The following ABHD3 variants were observed in gnomAD, a reference collection of about 807,000 sequenced individuals.
ABHD3 encodes abhydrolase domain containing 3, phospholipase, also known as phospholipase ABHD3.
In ABHD3, 46 loss-of-function variants were observed where a neutral mutation model predicts 48.8. The observed-to-expected ratio is 0.94, with a 90% CI of 0.74 to 1.20. The LOEUF is 1.20. Among genes scored for constraint, ABHD3 ranks in the 50% most tolerant of loss-of-function variants. The pLI is 0.00. For missense variants in ABHD3, 490 were observed against 497.8 expected, an observed-to-expected ratio of 0.98 and a Z score of 0.15; for synonymous variants, 192 against 183.7, an observed-to-expected ratio of 1.04 and a Z score of -0.36.
chr18:21,668,200 C>CAAAAAAAAAAAAAAAAAAAAA (rs747590942), intron 4 of ABHD3, among the ~76,000 whole-genome samples: 35 of 61,348 alleles, frequency 5.7e-4, no homozygotes, highest in African/African-American at 1.8e-3. Context: ...GAATCTATCT[C>CAAAAAAAAAAAAAAAAAAAAA]AAAAAAAAAA....
At chr18:21,655,844 C>A (rs896795789) in intron 8 of ABHD3, among the ~76,000 whole-genome samples, 1 of 145,404 alleles carries the variant, frequency 6.9e-6, no homozygotes, top group Non-Finnish European at 1.5e-5. Flanking sequence ...AACAAAAAAA[C>A]AAACAAAAAA....
chr18:21,651,740 G>GCTTA lies in ABHD3; in HGVS notation c.1077_1080dup (p.Gln361Ter). 1 of 1,574,462 alleles carries GCTTA rather than the reference G, an allele frequency of 6.4e-7. No individual in the cohort carries two copies. The highest frequency in any genetic ancestry group is 8.6e-7 in the Non-Finnish European group (1 of 1,158,698). On this transcript the variant is annotated stop_gained and frameshift_variant, in exon 9 of 9. Coordinates refer to ENST00000289119, the MANE Select transcript of ABHD3 (RefSeq NM_138340.5). LOFTEE classifies it high-confidence loss of function. ...AGGACCAAAGCAACATTAGGATTTT[G>GCTTA]CTTAGCAGTTTCTATTGGAATAGCT...
intron 1 of ABHD3, among the ~76,000 whole-genome samples, chr18:21,704,243 C>A (rs2040583921): frequency 6.6e-6 from 1 of 152,232 alleles, no homozygotes; most frequent in Non-Finnish European, 1.5e-5. Flanking sequence ...GCTTCGCGAT[C>A]GGTGACCGGG....
At chr18:21,653,637 T>C (rs933753181) in intron 8 of ABHD3, among the ~76,000 whole-genome samples, 3 of 151,582 alleles carry the variant, frequency 2.0e-5, no homozygotes, top group African/African-American at 4.8e-5. Context: ...TGGTAGCTCA[T>C]GCTTGTAATC....
intron 3 of ABHD3, among the ~76,000 whole-genome samples, chr18:21,699,919 G>C (rs141417355): frequency 1.6e-4 from 25 of 151,892 alleles, no homozygotes; most frequent in Non-Finnish European, 3.4e-4. Context: ...CTTGTGATCC[G>C]CATGCCTCAG....
chr18:21,672,111 A>C (rs1346472073), intron 4 of ABHD3, among the ~76,000 whole-genome samples: 2 of 152,214 alleles, frequency 1.3e-5, no homozygotes, highest in African/African-American at 2.4e-5. Flanking sequence ...GGGCTTCTTA[A>C]AAGCTGACAA....
intron 4 of ABHD3, among the ~76,000 whole-genome samples, chr18:21,678,969 T>C (rs1451476611): frequency 6.6e-6 from 1 of 152,238 alleles, no homozygotes; most frequent in Non-Finnish European, 1.5e-5. Flanking sequence ...GGAGCCATAG[T>C]AATCTCTATA....
intron 4 of ABHD3, among the ~76,000 whole-genome samples, chr18:21,669,366 CT>C (rs2039706923): frequency 6.6e-6 from 1 of 152,192 alleles, no homozygotes; most frequent in Admixed American, 6.5e-5. Context: ...GCTCTGCTAG[CT>C]TTCCATTTCC....
Position 21,704,620 on chromosome 18 carries a change from A to G in ABHD3, c.46T>C (p.Ser16Pro). The change falls in exon 1 of 9, where the codon TCC becomes CCC. Residue 16 changes from serine to proline, a missense_variant. By Grantham distance (74) the Ser-to-Pro change is moderately conservative (BLOSUM62 -1). Transcript: ENST00000289119. Reference protein sequence around the residue: ...MDLRMLSRELSLYLEHQVRVG... With the variant: ...MDLRMLSRELPLYLEHQVRVG... The stretch of plus-strand genomic sequence containing the variant: ...CGGACTTGGTGTTCCAGGTAGAGGG[A>G]GAGCTCCCGGGACAACATCCGCAGG... The G allele has an allele frequency of 6.4e-7, 1 of 1,551,548 alleles. No homozygotes were observed. The highest frequency in any genetic ancestry group is 1.2e-5 in the South Asian group (1 of 83,936).
chr18:21,703,174 A>G (rs1277698632), intron 2 of ABHD3, among the ~76,000 whole-genome samples: 4 of 151,610 alleles, frequency 2.6e-5, no homozygotes, highest in Admixed American at 6.6e-5. Context: ...TTTTACACCA[A>G]TAAATCGCCC....
chr18:21,703,548 T>C, intron 2 of ABHD3, 36 bp downstream of exon 2: 1 of 1,589,622 alleles, frequency 6.3e-7, no homozygotes, highest in Non-Finnish European at 8.6e-7. Context: ...CAACCTGTGA[T>C]TTTGCAGAAA....
intron 5 of ABHD3, among the ~76,000 whole-genome samples, chr18:21,660,179 C>T (rs1168316648): frequency 1.2e-4 from 17 of 141,852 alleles, no homozygotes; most frequent in Non-Finnish European, 2.0e-4. Flanking sequence ...GATGAGGTCT[C>T]ACTATGTTGC....
intron 3 of ABHD3, among the ~76,000 whole-genome samples, chr18:21,694,934 A>G (rs1459887646): frequency 6.6e-6 from 1 of 152,158 alleles, no homozygotes. Context: ...ACTCAGCGGC[A>G]CGAGCTGCTA....
chr18:21,660,814 T>C (rs1177234773), intron 5 of ABHD3, among the ~76,000 whole-genome samples: 1 of 152,072 alleles, frequency 6.6e-6, no homozygotes, highest in African/African-American at 2.4e-5. Context: ...TATAGGACAA[T>C]GCTTACTCTT....
chr18:21,654,011 A>G (rs962824776), intron 8 of ABHD3, among the ~76,000 whole-genome samples: 3 of 150,568 alleles, frequency 2.0e-5, no homozygotes, highest in Non-Finnish European at 3.0e-5. Flanking sequence ...ACGGCCAGCT[A>G]ATTTTGTATT....
At chr18:21,669,660 C>T (rs1451043296) in intron 4 of ABHD3, among the ~76,000 whole-genome samples, 1 of 152,152 alleles carries the variant, frequency 6.6e-6, no homozygotes, top group Non-Finnish European at 1.5e-5. Context: ...AAGATTAACC[C>T]ATTTTCCTCT....
At chr18:21,663,674 C>G in intron 5 of ABHD3, 2 of 1,535,346 alleles carry the variant, frequency 1.3e-6, no homozygotes, top group South Asian at 2.4e-5. Context: ...AAACAAAATA[C>G]CACCTGGGGA....
intron 4 of ABHD3, among the ~76,000 whole-genome samples, chr18:21,665,082 T>C (rs1212596022): frequency 6.6e-6 from 1 of 151,854 alleles, no homozygotes; most frequent in African/African-American, 2.4e-5. Context: ...GTAGCTGGGA[T>C]TACAGACACC....
chr18:21,685,540 T>C (rs2040111644), intron 3 of ABHD3, among the ~76,000 whole-genome samples: 1 of 152,202 alleles, frequency 6.6e-6, no homozygotes, highest in African/African-American at 2.4e-5. Context: ...AATCTTTTTG[T>C]TTTTTGAGAC....
Sources: gnomAD v4.1 joint callset for allele counts (sites outside exome capture counted in the v4.1 genomes callset) on GRCh38, gnomAD v4.1.1 for gene constraint, MANE v1.5 for transcripts, NCBI Gene and HGNC (gene_info 2026-07-23, HGNC 2026-07-21) for gene names.